GALNT17: variants seen among roughly 807,000 people sequenced by gnomAD.
GALNT17 encodes UDP-GalNAc:polypeptide N-acetylgalactosaminyltransferase-like 3.
Under a neutral mutation model 63.7 loss-of-function variants are expected in GALNT17, and 29 were observed. The ratio of observed to expected loss-of-function variants is 0.46; its 90% CI spans 0.34 to 0.62. The LOEUF (loss-of-function observed/expected upper bound fraction) is 0.62. GALNT17 is among the 20% of genes least tolerant of loss of function. The pLI, the probability that GALNT17 is intolerant of heterozygous loss-of-function variation, is 0.01. For synonymous variants in GALNT17, 305 were observed against 318.3 expected (o/e 0.96, Z 0.45); for missense variants, 603 against 799.6 (o/e 0.75, Z 2.97).
At chr7:71,388,032 A>G (rs1859525) in intron 2 of GALNT17, among the ~76,000 whole-genome samples, 112,747 of 151,854 alleles carry the variant, frequency 0.74, 42,184 homozygotes, top group African/African-American at 0.81. Flanking sequence ...TGAATCTGGG[A>G]GAAGTGGGGC....
intron 3 of GALNT17, among the ~76,000 whole-genome samples, chr7:71,396,056 C>T (rs1793133544): frequency 1.3e-5 from 2 of 152,078 alleles, no homozygotes; most frequent in South Asian, 2.1e-4. Flanking sequence ...TTCTCTCTTT[C>T]TGTGGGTTGT....
chr7:71,568,085 C>T (rs1468319381), intron 5 of GALNT17, among the ~76,000 whole-genome samples: 3 of 152,194 alleles, frequency 2.0e-5, no homozygotes, highest in South Asian at 4.1e-4. Context: ...GGACCTCCTG[C>T]GTGAGGTGTC....
chr7:71,608,352 C>T (rs560803574), intron 6 of GALNT17, among the ~76,000 whole-genome samples: 57 of 152,136 alleles, frequency 3.7e-4, no homozygotes, highest in African/African-American at 1.3e-3. Context: ...CATCCATCTA[C>T]CAGGGGTTGG....
chr7:71,567,239 G>A (rs1311784688), intron 5 of GALNT17, among the ~76,000 whole-genome samples: 3 of 152,148 alleles, frequency 2.0e-5, no homozygotes, highest in Admixed American at 6.5e-5. Context: ...CACATTAGAA[G>A]CCATGCTTTC....
chr7:71,482,070 CATATATGT>C (rs1787826794), intron 5 of GALNT17, among the ~76,000 whole-genome samples: 1 of 85,314 alleles, frequency 1.2e-5, no homozygotes, highest in African/African-American at 3.9e-5. Context: ...TATAGGTATA[CATATATGT>C]ATATGTGTGT....
chr7:71,311,740 G>A (rs1026887381), intron 1 of GALNT17, among the ~76,000 whole-genome samples: 7 of 152,174 alleles, frequency 4.6e-5, no homozygotes, highest in African/African-American at 1.7e-4. Context: ...TCAGTCATTA[G>A]GGATGTGGAT....
chr7:71,509,543 C>G (rs1788320945), intron 5 of GALNT17, among the ~76,000 whole-genome samples: 1 of 152,196 alleles, frequency 6.6e-6, no homozygotes, highest in Admixed American at 6.5e-5. Flanking sequence ...TGTTGTGTAG[C>G]TAGGGAAACA....
chr7:71,550,191 T>C (rs1180226814), intron 5 of GALNT17, among the ~76,000 whole-genome samples: 1 of 151,798 alleles, frequency 6.6e-6, no homozygotes, highest in Non-Finnish European at 1.5e-5. Flanking sequence ...AAGAAGAAAA[T>C]AAAAGTATCC....
At chr7:71,191,839 C>G (rs1036067048) in intron 1 of GALNT17, among the ~76,000 whole-genome samples, 6 of 152,098 alleles carry the variant, frequency 3.9e-5, no homozygotes, top group African/African-American at 9.7e-5. Flanking sequence ...TCAGGGTTCT[C>G]TAGAGGGACA....
chr7:71,136,670 A>G (rs1002028268), intron 1 of GALNT17, among the ~76,000 whole-genome samples: 1 of 151,836 alleles, frequency 6.6e-6, no homozygotes, highest in African/African-American at 2.4e-5. Flanking sequence ...TTTTTAGTAG[A>G]GACGGGTTTT....
intron 1 of GALNT17, among the ~76,000 whole-genome samples, chr7:71,324,597 G>A (rs996136941): frequency 2.8e-4 from 43 of 152,174 alleles, no homozygotes; most frequent in African/African-American, 1.0e-3. Flanking sequence ...GGTGGAGATT[G>A]CAGTGAACCG....
chr7:71,356,622 G>C (rs1234293178), intron 2 of GALNT17, among the ~76,000 whole-genome samples: 1 of 152,140 alleles, frequency 6.6e-6, no homozygotes. Flanking sequence ...TCACAGAGTA[G>C]AGAACTTACT....
intron 1 of GALNT17, among the ~76,000 whole-genome samples, chr7:71,138,006 A>G (rs1787819307): frequency 6.6e-6 from 1 of 152,236 alleles, no homozygotes; most frequent in Non-Finnish European, 1.5e-5. Flanking sequence ...TGTATTATAC[A>G]CTATATTCTT....
chr7:71,301,725 C>G (rs996543372), intron 1 of GALNT17, among the ~76,000 whole-genome samples: 3 of 146,482 alleles, frequency 2.0e-5, no homozygotes, highest in African/African-American at 5.1e-5. Flanking sequence ...GAGGATAGAT[C>G]TTGTGTGAAA....
intron 1 of GALNT17, among the ~76,000 whole-genome samples, chr7:71,313,702 G>C (rs894485053): frequency 6.6e-6 from 1 of 152,200 alleles, no homozygotes; most frequent in Non-Finnish European, 1.5e-5. Flanking sequence ...TCTGGGGACA[G>C]AATGTGTATT....
intron 5 of GALNT17, among the ~76,000 whole-genome samples, chr7:71,484,427 G>T (rs373561746): frequency 8.5e-5 from 13 of 152,304 alleles, no homozygotes; most frequent in African/African-American, 3.1e-4. Flanking sequence ...GGCAGAGGCT[G>T]CAGTGAGATG....
chr7:71,133,287 G>A (rs1241298011), intron 1 of GALNT17, among the ~76,000 whole-genome samples: 1 of 152,232 alleles, frequency 6.6e-6, no homozygotes, highest in African/African-American at 2.4e-5. Context: ...TGTCAGTACA[G>A]TTGGCTCCCG....
chr7:71,533,861 G>A (rs749670167), intron 5 of GALNT17, among the ~76,000 whole-genome samples: 39 of 152,150 alleles, frequency 2.6e-4, no homozygotes, highest in Non-Finnish European at 4.6e-4. Context: ...TTTACATAGC[G>A]AAGAATTAGA....
rs749757807 is a variant in GALNT17, at chr7:71,339,337, T to C, written c.422+3604T>C. On this transcript the variant is annotated intron_variant, in intron 2 of 10. Coordinates refer to ENST00000333538, the MANE Select transcript of GALNT17 (RefSeq NM_022479.3). ...ATTCACACAGCATGTGCAGTGAGGATCTGAGAAAGTTTCTTGTTTGAGATA... is the reference window on the plus strand; with the variant it reads ...ATTCACACAGCATGTGCAGTGAGGACCTGAGAAAGTTTCTTGTTTGAGATA... Among the ~76,000 whole-genome samples the C allele has an allele frequency of 5.8e-4, 88 of 152,090 alleles. 2 individuals are homozygous for C. Among genetic ancestry groups the C allele is most frequent in the Non-Finnish European group, 1.2e-4 (8 of 68,010 alleles).
Sources: gnomAD v4.1 joint callset for allele counts (sites outside exome capture counted in the v4.1 genomes callset) on GRCh38, gnomAD v4.1.1 for gene constraint, MANE v1.5 for transcripts, NCBI Gene and HGNC (gene_info 2026-07-23, HGNC 2026-07-21) for gene names.